Variants in RGS7 observed in about 807,000 individuals in gnomAD.
RGS7 encodes regulator of G protein signaling 7.
Under a neutral mutation model 81.1 loss-of-function variants are expected in RGS7, and 27 were observed. That is an observed-to-expected ratio of 0.33 (90% CI 0.25 to 0.46). RGS7 has a LOEUF of 0.46. Among genes scored for constraint, RGS7 ranks in the 20% least tolerant of loss-of-function variants. The pLI is 1.00. For missense variants in RGS7, 396 were observed against 607.4 expected, an observed-to-expected ratio of 0.65 and a Z score of 3.66; for synonymous variants, 208 against 207.7, an observed-to-expected ratio of 1.00 and a Z score of -0.01.
chr1:241,191,492 T>G (rs1488530420), intron 2 of RGS7, among the ~76,000 whole-genome samples: 1 of 152,232 alleles, frequency 6.6e-6, no homozygotes, highest in Non-Finnish European at 1.5e-5. Context: ...ACTCTTTATA[T>G]GTTGCTGAAT....
chr1:240,914,981 T>C (rs1672359690), intron 6 of RGS7, among the ~76,000 whole-genome samples: 1 of 152,188 alleles, frequency 6.6e-6, no homozygotes, highest in African/African-American at 2.4e-5. Flanking sequence ...AATTTGAGCA[T>C]TAAAAACTCC....
At chr1:241,130,744 GAGCATTGCTTTCTTATCTGAACCTCTA>G (rs71714702) in intron 2 of RGS7, among the ~76,000 whole-genome samples, 9,821 of 152,046 alleles carry the variant, frequency 0.065, 962 homozygotes, top group African/African-American at 0.22. Flanking sequence ...TAACTTCCCT[GAGCATTGCTTTCTTATCTGAACCTCTA>G]AGGATTGGAT....
At chr1:240,911,129 AG>A (rs1671686704) in intron 6 of RGS7, among the ~76,000 whole-genome samples, 1 of 152,128 alleles carries the variant, frequency 6.6e-6, no homozygotes, top group South Asian at 2.1e-4. Context: ...CTTTCATTGA[AG>A]CTTCCCTTTA....
At position 240,868,113 on chromosome 1, in the gene RGS7, A is replaced by AAAG. The variant is rs1558382345; in HGVS notation, c.609+473_609+474insCTT. On this transcript the variant is annotated intron_variant, in intron 9 of 18. Transcript: ENST00000440928. This position sits in a 1 kb window ranked among gnomAD's most constrained non-coding sequence, Gnocchi z 5.1. Reference sequence around the variant, plus strand: ...GAAAGAAAAGAAAAAGAAAGAAAAGAAAAGGAAAGAAAGAAAGAAAGAAAG... The same window carrying AAAG: ...GAAAGAAAAGAAAAAGAAAGAAAAGAAAGAAAGGAAAGAAAGAAAGAAAGAAAG... 4.4e-5 allele frequency among the ~76,000 whole-genome samples: 5 copies of AAAG among 113,990 alleles called. No individual in the cohort carries two copies. The highest frequency in any genetic ancestry group is 1.7e-4 in the African/African-American group (5 of 30,112). 74.8% of individuals were successfully genotyped at this position (113,990 alleles called of 152,430 possible).
At chr1:240,785,142 C>A (rs1684849706) in intron 18 of RGS7, among the ~76,000 whole-genome samples, 1 of 152,194 alleles carries the variant, frequency 6.6e-6, no homozygotes, top group African/African-American at 2.4e-5. Flanking sequence ...TTGAAAATTC[C>A]CGTTTCACTT....
intron 2 of RGS7, among the ~76,000 whole-genome samples, chr1:241,127,881 T>A (rs1196186559): frequency 6.6e-6 from 1 of 152,060 alleles, no homozygotes; most frequent in Non-Finnish European, 1.5e-5. Context: ...GATGATAAAT[T>A]TCAACCAAAA....
At chr1:240,870,180 G>C in intron 6 of RGS7, 61 bp from the exon 7 acceptor site, 2 of 1,421,218 alleles carry the variant, frequency 1.4e-6, no homozygotes, top group African/African-American at 2.8e-5. Context: ...ATAAGTAAAA[G>C]TACAACATTA....
At chr1:240,853,758 C>T (rs1033153318) in intron 9 of RGS7, among the ~76,000 whole-genome samples, 12 of 151,682 alleles carry the variant, frequency 7.9e-5, no homozygotes, top group Non-Finnish European at 1.5e-4. Flanking sequence ...AAAAATTAGC[C>T]GGGCGTGGTG....
At chr1:241,054,124 A>T (rs2061375457) in intron 3 of RGS7, among the ~76,000 whole-genome samples, 1 of 152,246 alleles carries the variant, frequency 6.6e-6, no homozygotes, top group Non-Finnish European at 1.5e-5. Context: ...AGTAGAATAG[A>T]GTCCTTGATC....
At chr1:241,270,100 G>T (rs2077793181) in intron 2 of RGS7, among the ~76,000 whole-genome samples, 1 of 152,156 alleles carries the variant, frequency 6.6e-6, no homozygotes, top group South Asian at 2.1e-4. Context: ...TTAGAACTCT[G>T]CTTCAGCCTC....
At chr1:241,294,752 A>C (rs998464398) in intron 2 of RGS7, among the ~76,000 whole-genome samples, 1 of 152,200 alleles carries the variant, frequency 6.6e-6, no homozygotes, top group Non-Finnish European at 1.5e-5. Context: ...TTGGATACAC[A>C]AATACTTACC....
At chr1:240,989,591 G>A (rs1295501206) in intron 3 of RGS7, among the ~76,000 whole-genome samples, 1 of 152,022 alleles carries the variant, frequency 6.6e-6, no homozygotes, top group East Asian at 1.9e-4. Context: ...GACACCCCAT[G>A]GTTCCCGATG....
At position 240,906,577 on chromosome 1, in the gene RGS7, G is replaced by A. The variant is rs1274480289; in HGVS notation, c.385+24140C>T. ...AGCCTTACCATTTCTACCTCCCTCT[G>A]GGGAATCCAACCTGTGGTATAGCAC... is the stretch of plus-strand genomic sequence containing the variant. On this transcript the variant is annotated intron_variant, in intron 6 of 18. Coordinates refer to ENST00000440928, the MANE Select transcript of RGS7 (RefSeq NM_001364886.1). 2.6e-5 allele frequency among the ~76,000 whole-genome samples: 4 copies of A among 152,174 alleles called. No individual in the cohort carries two copies. The East Asian group carries it at 5.8e-4, about 22-fold the overall frequency.
intron 3 of RGS7, among the ~76,000 whole-genome samples, chr1:241,009,876 C>T (rs544475937): frequency 1.3e-5 from 2 of 152,224 alleles, no homozygotes; most frequent in African/African-American, 2.4e-5. Context: ...CCTAGTAAGA[C>T]GACTTAAGAA....
chr1:240,792,977 C>T (rs1167829914), intron 18 of RGS7, among the ~76,000 whole-genome samples: 2 of 152,026 alleles, frequency 1.3e-5, no homozygotes, highest in African/African-American at 4.8e-5. Context: ...TCATACAGAG[C>T]CCCCAGGATG....
chr1:240,923,602 C>G (rs1160946992), intron 6 of RGS7, among the ~76,000 whole-genome samples: 1 of 151,328 alleles, frequency 6.6e-6, no homozygotes, highest in Non-Finnish European at 1.5e-5. Context: ...AAGTGAATGA[C>G]AAAGGCTTGG....
intron 2 of RGS7, among the ~76,000 whole-genome samples, chr1:241,128,683 T>C (rs1295345099): frequency 6.6e-6 from 1 of 150,728 alleles, no homozygotes; most frequent in Non-Finnish European, 1.5e-5. Context: ...ATACAAATAA[T>C]TTACATCTCT....
intron 2 of RGS7, among the ~76,000 whole-genome samples, chr1:241,327,069 G>GGA (rs2081585208): frequency 1.0e-4 from 2 of 19,950 alleles, no homozygotes; most frequent in African/African-American, 4.5e-4. Context: ...AAGAAGGAAG[G>GGA]AAGGAAGGAA....
chr1:240,910,017 G>T (rs768424577), intron 6 of RGS7, among the ~76,000 whole-genome samples: 4 of 152,126 alleles, frequency 2.6e-5, no homozygotes, highest in Admixed American at 1.3e-4. Context: ...TGTCCCTTCT[G>T]TCCCTTCTGT....
Sources: allele counts gnomAD v4.1 joint callset (sites outside exome capture counted in the v4.1 genomes callset), GRCh38; gene constraint gnomAD v4.1.1; non-coding constraint Gnocchi (gnomAD v3.1); transcripts MANE v1.5; gene names NCBI Gene and HGNC (gene_info 2026-07-23, HGNC 2026-07-21).